The following ODAD2 variants were observed in gnomAD, a reference collection of about 807,000 sequenced individuals.
The protein encoded by ODAD2 is outer dynein arm docking complex subunit 2, also known as outer dynein arm-docking complex subunit 2.
Under a neutral mutation model 106.8 loss-of-function variants are expected in ODAD2, and 89 were observed. The ratio of observed to expected loss-of-function variants is 0.83; its 90% CI spans 0.70 to 0.99. The LOEUF is 0.99. Ranked by LOEUF, ODAD2 falls within the 50% of genes least tolerant of loss-of-function variation. ODAD2 has a pLI of 0.00. For synonymous variants in ODAD2, 404 were observed against 436.2 expected (o/e 0.93, Z 0.92); for missense variants, 1,168 against 1,238.5 (o/e 0.94, Z 0.85).
intron 7 of ODAD2, among the ~76,000 whole-genome samples, chr10:27,971,535 A>G (rs1476284134): frequency 3.9e-5 from 6 of 152,296 alleles, no homozygotes; most frequent in Non-Finnish European, 7.3e-5. Context: ...CTGCAGCACA[A>G]CAGATACAAC....
intron 10 of ODAD2, among the ~76,000 whole-genome samples, chr10:27,961,120 A>G (rs1848107018): frequency 6.6e-6 from 1 of 152,238 alleles, no homozygotes; most frequent in African/African-American, 2.4e-5. Flanking sequence ...ATTAAACTTT[A>G]TAATAGTCCT....
At chr10:27,954,322 G>A (rs1847566956) in intron 10 of ODAD2, among the ~76,000 whole-genome samples, 1 of 152,176 alleles carries the variant, frequency 6.6e-6, no homozygotes, top group African/African-American at 2.4e-5. Flanking sequence ...AAAAATAAGT[G>A]TTGTTGCAAA....
chr10:27,882,837 G>T (rs113222231), intron 17 of ODAD2, among the ~76,000 whole-genome samples: 5 of 151,824 alleles, frequency 3.3e-5, no homozygotes, highest in African/African-American at 1.2e-4. Context: ...CCAATCACAA[G>T]CCTTGTCTTT....
intron 19 of ODAD2, among the ~76,000 whole-genome samples, chr10:27,824,841 C>A (rs528833549): frequency 4.6e-4 from 70 of 152,216 alleles, no homozygotes; most frequent in African/African-American, 1.6e-3. Flanking sequence ...AAATAGATTT[C>A]TTGGGGAAAG....
intron 19 of ODAD2, among the ~76,000 whole-genome samples, chr10:27,843,410 A>G (rs1838459404): frequency 6.6e-6 from 1 of 152,210 alleles, no homozygotes; most frequent in South Asian, 2.1e-4. Context: ...TGGGTAAAAA[A>G]GCAACTGGCT....
At chr10:27,886,404 T>C (rs941932607) in intron 17 of ODAD2, among the ~76,000 whole-genome samples, 1 of 152,004 alleles carries the variant, frequency 6.6e-6, no homozygotes, top group Non-Finnish European at 1.5e-5. Context: ...AAACTGAACA[T>C]TCGATATTGA....
intron 17 of ODAD2, among the ~76,000 whole-genome samples, chr10:27,871,012 A>G (rs903207061): frequency 5.9e-5 from 9 of 152,190 alleles, no homozygotes; most frequent in African/African-American, 2.2e-4. Context: ...CCTCTCCAGC[A>G]TCTGTTGTTT....
chr10:27,961,791 G>T, intron 9 of ODAD2, 76 bp from the exon 10 acceptor site: 1 of 1,293,046 alleles, frequency 7.7e-7, no homozygotes. Flanking sequence ...GGGGCCAGGT[G>T]CAGTGGCTCA....
chr10:27,937,339 CTTT>C (rs57375404), intron 14 of ODAD2, among the ~76,000 whole-genome samples: 3 of 132,764 alleles, frequency 2.3e-5, no homozygotes, highest in Admixed American at 7.6e-5. Context: ...TTTCTTTTTT[CTTT>C]TTTTTTTTTT....
At chr10:27,975,023 G>A (rs565667905) in intron 7 of ODAD2, among the ~76,000 whole-genome samples, 49 of 152,222 alleles carry the variant, frequency 3.2e-4, no homozygotes, top group African/African-American at 1.1e-3. Flanking sequence ...TTGCATTCCT[G>A]ATTTGGCTCT....
intron 18 of ODAD2, 82 bp downstream of exon 18, chr10:27,862,352 G>T: frequency 8.8e-7 from 1 of 1,132,152 alleles, no homozygotes; most frequent in Non-Finnish European, 1.2e-6. Context: ...CAGGTTTCTG[G>T]ACTGCAAATG....
rs545765447 is a variant in ODAD2, at chr10:27,845,113, C to G, written c.3021+15512G>C. ...GAGCAACTCCAAGACACATAATTGT[C>G]AGATTCACCAAAGTTGAAATGAAGG... On this transcript the variant is annotated intron_variant, in intron 19 of 19. Coordinates refer to ENST00000305242, the MANE Select transcript of ODAD2 (RefSeq NM_018076.5). 2.8e-5 allele frequency among the ~76,000 whole-genome samples: 4 copies of G among 143,666 alleles called. No homozygotes were observed. In the Admixed American group the frequency reaches 2.9e-4, roughly 10 times the overall value. The allele number at this position is 143,666 out of a possible 152,430, so 94.3% of individuals were successfully genotyped here.
intron 18 of ODAD2, among the ~76,000 whole-genome samples, chr10:27,861,983 G>A (rs146691598): frequency 6.6e-6 from 1 of 152,240 alleles, no homozygotes; most frequent in Non-Finnish European, 1.5e-5. Flanking sequence ...TATTCTGTCT[G>A]GCACAGCTCT....
chr10:27,860,749 G>T lies in ODAD2; in HGVS notation c.2897C>A (p.Ala966Asp), dbSNP rs201834298. The part of the protein sequence containing the change: ...RVAFGEHKAV[A>D]PLVRYLKSND... ...TGATTTCAGATAACGCACTAGTGGA[G>T]CCACTGCTTTGTGCTCACCGAAGGC... The change falls in exon 19 of 20, where the codon GCT becomes GAT. Residue 966 changes from alanine (A) to aspartate (D), a missense_variant. Ala to Asp is a moderately radical substitution (Grantham distance 126, BLOSUM62 -2). Coordinates refer to ENST00000305242, the MANE Select transcript of ODAD2 (RefSeq NM_018076.5). 1.1e-4 allele frequency: 172 copies of T among 1,614,170 alleles called. 1 individual carries two copies. The highest frequency in any genetic ancestry group is 8.2e-4 in the Middle Eastern group (5 of 6,062).
intron 12 of ODAD2, 83 bp downstream of exon 12, chr10:27,944,139 C>A: frequency 8.3e-7 from 1 of 1,211,076 alleles, no homozygotes; most frequent in Non-Finnish European, 1.2e-6. Flanking sequence ...ATGGAATTTC[C>A]AGCGTGGCCA....
chr10:27,881,674 T>C (rs770095069), intron 17 of ODAD2, among the ~76,000 whole-genome samples: 92 of 152,072 alleles, frequency 6.0e-4, no homozygotes, highest in Admixed American at 1.1e-3. Context: ...CAAAAATACA[T>C]CCTTGACTAT....
intron 16 of ODAD2, among the ~76,000 whole-genome samples, chr10:27,910,904 G>C (rs528894113): frequency 6.6e-6 from 1 of 152,250 alleles, no homozygotes; most frequent in East Asian, 1.9e-4. Flanking sequence ...GGGTTCCCGT[G>C]AGCCTCTAGT....
chr10:27,996,261 C>G (rs1426522759), intron 1 of ODAD2, among the ~76,000 whole-genome samples: 1 of 152,148 alleles, frequency 6.6e-6, no homozygotes, highest in East Asian at 1.9e-4. Flanking sequence ...TGGCTTTTTA[C>G]TCCCATCATT....
chr10:27,935,337 A>C, intron 15 of ODAD2, 85 bp from the exon 16 acceptor site: 1 of 1,494,080 alleles, frequency 6.7e-7, no homozygotes, highest in Admixed American at 1.8e-5. Flanking sequence ...TCCTTACAAC[A>C]ACCCAATGAT....
Sources: gnomAD v4.1 joint callset for allele counts (sites outside exome capture counted in the v4.1 genomes callset) on GRCh38, gnomAD v4.1.1 for gene constraint, MANE v1.5 for transcripts, NCBI Gene and HGNC (gene_info 2026-07-23, HGNC 2026-07-21) for gene names.